The following AKAP8L variants were observed in gnomAD, a reference collection of about 807,000 sequenced individuals.
AKAP8L encodes the protein A-kinase anchoring protein 8 like.
A neutral mutation model predicts 77.5 loss-of-function variants in AKAP8L; 34 were observed. The ratio of observed to expected loss-of-function variants is 0.44; its 90% CI spans 0.33 to 0.58. The LOEUF (loss-of-function observed/expected upper bound fraction) is 0.58. AKAP8L is among the 20% of genes least tolerant of loss of function. AKAP8L has a pLI of 0.02. For synonymous variants in AKAP8L, 342 were observed against 340.7 expected, an observed-to-expected ratio of 1.00 and a Z score of -0.04; for missense variants, 806 against 887.6, an observed-to-expected ratio of 0.91 and a Z score of 1.17.
intron 4 of AKAP8L, among the ~76,000 whole-genome samples, chr19:15,402,989 T>G (rs1034075975): frequency 1.2e-4 from 18 of 152,138 alleles, no homozygotes; most frequent in African/African-American, 4.3e-4. Flanking sequence ...GGTACATGTT[T>G]GTAAGGCACA....
Position 15,411,822 on chromosome 19 carries a change from G to T in AKAP8L, c.14-1228C>A, listed in dbSNP as rs558282361. On this transcript the variant is annotated intron_variant, in intron 1 of 13. Transcript: ENST00000397410. ...ACTCACAGTACTTTGGGAGGCCAAG[G>T]GGGGGTGGACTGGTTGAGGCCAGGA... 1.3e-4 allele frequency among the ~76,000 whole-genome samples: 20 copies of T among 152,218 alleles called. No individual in the cohort carries two copies. In the East Asian group the frequency reaches 3.3e-3, roughly 25 times the overall value.
At position 15,380,437 on chromosome 19, in the gene AKAP8L, G is replaced by T. The variant is rs372789644; in HGVS notation, c.1633-7C>A. On this transcript the variant is annotated splice_polypyrimidine_tract_variant and splice_region_variant and intron_variant, in intron 13 of 13. Coordinates refer to ENST00000397410, the MANE Select transcript of AKAP8L (RefSeq NM_014371.4). ...CGGTGAAAGGGTTCTCGCCCTGTGGGGAGGGGCGCGGACACTGAAGGGAGG... is the reference window on the plus strand; with the variant it reads ...CGGTGAAAGGGTTCTCGCCCTGTGGTGAGGGGCGCGGACACTGAAGGGAGG... The T allele has an allele frequency of 6.2e-7, 1 of 1,608,296 alleles. No homozygotes were observed.
At chr19:15,393,095 CT>C (rs1967698072) in intron 12 of AKAP8L, among the ~76,000 whole-genome samples, 1 of 151,944 alleles carries the variant, frequency 6.6e-6, no homozygotes, top group Non-Finnish European at 1.5e-5. Context: ...AAAACAGTCT[CT>C]TTCATTTCTT....
Position 15,397,411 on chromosome 19 carries a change from G to C in AKAP8L, c.1405+109C>G. The C allele has an allele frequency of 6.7e-7, 1 of 1,486,590 alleles. No homozygotes were observed. Among genetic ancestry groups the C allele is most frequent in the Non-Finnish European group, 9.2e-7 (1 of 1,082,178 alleles). The allele number at this position is 1,486,590 out of a possible 1,614,324, so 92.1% of individuals were successfully genotyped here. ...TCCACCTGGGCCTGAGCCAAGGCTG[G>C]TCTCCTGACCTTCCCTGGGGGAACA... On this transcript the variant is annotated intron_variant, in intron 11 of 13. Coordinates refer to ENST00000397410, the MANE Select transcript of AKAP8L (RefSeq NM_014371.4). This position sits in a 1 kb window ranked among gnomAD's most constrained non-coding sequence, Gnocchi z 4.7.
chr19:15,396,923 T>C (rs1649220201), intron 12 of AKAP8L, among the ~76,000 whole-genome samples: 1 of 152,040 alleles, frequency 6.6e-6, no homozygotes, highest in Non-Finnish European at 1.5e-5. Flanking sequence ...AACATGGAGG[T>C]CCCCATATCC....
chr19:15,400,157 T>G (rs1967861868), intron 8 of AKAP8L, 138 bp downstream of exon 8: 1 of 841,468 alleles, frequency 1.2e-6, no homozygotes, highest in Non-Finnish European at 2.0e-6. Flanking sequence ...GAAAGCCCCC[T>G]GCCAGCACAC....
intron 12 of AKAP8L, among the ~76,000 whole-genome samples, chr19:15,387,302 G>A (rs1018491231): frequency 6.6e-6 from 1 of 152,146 alleles, no homozygotes; most frequent in African/African-American, 2.4e-5. Flanking sequence ...CACAGTGAGA[G>A]CACGGCCTTA....
At chr19:15,404,140 G>A in intron 2 of AKAP8L, 98 bp from the exon 3 acceptor site, 1 of 1,302,232 alleles carries the variant, frequency 7.7e-7, no homozygotes, top group Non-Finnish European at 1.1e-6. Context: ...ACTGGTCAGA[G>A]CAGGCTGCAC....
chr19:15,404,497 G>A (rs982065732), intron 2 of AKAP8L, among the ~76,000 whole-genome samples: 8 of 152,180 alleles, frequency 5.3e-5, no homozygotes, highest in Non-Finnish European at 1.2e-4. Flanking sequence ...GCAACCCCTC[G>A]CTTGAGAAAA....
chr19:15,392,959 G>C lies in AKAP8L; in HGVS notation c.1536+4191C>G, dbSNP rs1967695110. 1.4e-5 allele frequency among the ~76,000 whole-genome samples: 2 copies of C among 147,156 alleles called. 1 individual carries two copies. Among genetic ancestry groups the C allele is most frequent in the South Asian group, 4.3e-4 (2 of 4,658 alleles). On this transcript the variant is annotated intron_variant, in intron 12 of 13. Transcript: ENST00000397410. ...ACACCCTGAAAACTACAAAACCTTT[G>C]AAAGAAATTAATTCATTTACTAGAT... is the stretch of plus-strand genomic sequence containing the variant.
Position 15,410,102 on chromosome 19 carries a change from C to T in AKAP8L, c.88+418G>A, listed in dbSNP as rs535557216. Among the ~76,000 whole-genome samples the T allele has an allele frequency of 5.9e-5, 9 of 152,232 alleles. No homozygotes were observed. In the South Asian group the frequency reaches 1.5e-3, roughly 25 times the overall value. ...CGACCACAGGCACACACCACCATGCCCGGCTAATTTTTTGTATTTTAGTAT... is the reference window on the plus strand; with the variant it reads ...CGACCACAGGCACACACCACCATGCTCGGCTAATTTTTTGTATTTTAGTAT... On this transcript the variant is annotated intron_variant, in intron 2 of 13. Coordinates refer to ENST00000397410, the MANE Select transcript of AKAP8L (RefSeq NM_014371.4).
chr19:15,418,728 G>C (rs928899101), intron 1 of AKAP8L, among the ~76,000 whole-genome samples, 183 bp downstream of exon 1: 2 of 152,240 alleles, frequency 1.3e-5, no homozygotes, highest in Admixed American at 6.5e-5. Context: ...TGCAGACACA[G>C]AGAGCTGAGG....
At chr19:15,418,072 C>A (rs955918260) in intron 1 of AKAP8L, among the ~76,000 whole-genome samples, 9 of 152,228 alleles carry the variant, frequency 5.9e-5, no homozygotes, top group Non-Finnish European at 1.2e-4. Context: ...GGCCAGATAT[C>A]TTTATTCGCT....
rs117095677 is a variant in AKAP8L, at chr19:15,398,270, G to A, written c.1158-415C>T. On this transcript the variant is annotated intron_variant, in intron 9 of 13. Transcript: ENST00000397410. This position sits in a 1 kb window ranked among gnomAD's most constrained non-coding sequence, Gnocchi z 9.2. Reference sequence around the variant, plus strand: ...GGCCCTGAGGTGCAGAGTGGAGTACGCAGTCCCGAGGCAGGGCCCGAAAAG... The same window carrying A: ...GGCCCTGAGGTGCAGAGTGGAGTACACAGTCCCGAGGCAGGGCCCGAAAAG... 7.5e-3 allele frequency: 1,671 copies of A among 221,962 alleles called. 12 individuals are homozygous for A. Among genetic ancestry groups the A allele is most frequent in the Middle Eastern group, 0.014 (8 of 564 alleles). 13.7% of individuals were successfully genotyped at this position (221,962 alleles called of 1,614,324 possible).
intron 12 of AKAP8L, among the ~76,000 whole-genome samples, chr19:15,392,144 T>C (rs1967676562): frequency 6.6e-6 from 1 of 152,240 alleles, no homozygotes; most frequent in African/African-American, 2.4e-5. Context: ...ATAGCTGAAA[T>C]ATTATTAAAA....
In AKAP8L at chr19:15,380,324, T is replaced by G; in HGVS notation, c.1739A>C (p.Glu580Ala). 6.5e-7 allele frequency: 1 copy of G among 1,538,112 alleles called. No homozygotes were observed. Among genetic ancestry groups the G allele is most frequent in the South Asian group, 1.2e-5 (1 of 84,090 alleles). Residue 580 changes from glutamate to alanine, a missense_variant, in exon 14 of 14, where the codon GAG (glutamate) becomes GCG (alanine). Transcript: ENST00000397410. ...CTGCGCCGGCACGCCCTCTGCGCCC[T>G]CCGAGATCCCTGCCGCTTCGCCCTG... Reference protein sequence around the residue: ...GAQGEAAGISEGAEGVPAQPP... With the variant: ...GAQGEAAGISAGAEGVPAQPP...
intron 1 of AKAP8L, 101 bp from the exon 2 acceptor site, chr19:15,410,695 C>A: frequency 1.1e-6 from 1 of 919,474 alleles, no homozygotes; most frequent in Non-Finnish European, 1.7e-6. Flanking sequence ...AGGCCCTTCT[C>A]TCAACGAAAA....
At position 15,403,733 on chromosome 19, in the gene AKAP8L, G is replaced by A; in HGVS notation, c.122-18C>T. The A allele has an allele frequency of 1.3e-6, 2 of 1,548,950 alleles. No individual in the cohort carries two copies. Among genetic ancestry groups the A allele is most frequent in the African/African-American group, 2.7e-5 (2 of 73,284 alleles). ...CTCGTAGCCTGCAGTGAGGGAGACAGAGACAGACAGATGGTGGGGGCAGGC... is the reference window on the plus strand; with the variant it reads ...CTCGTAGCCTGCAGTGAGGGAGACAAAGACAGACAGATGGTGGGGGCAGGC... On this transcript the variant is annotated intron_variant, in intron 3 of 13. Coordinates refer to ENST00000397410, the MANE Select transcript of AKAP8L (RefSeq NM_014371.4). The surrounding 1 kb of genome is among the most constrained non-coding windows in gnomAD (Gnocchi z 4.3).
intron 12 of AKAP8L, chr19:15,383,756 T>C (rs1967466785): frequency 6.6e-6 from 1 of 152,174 alleles, no homozygotes; most frequent in Non-Finnish European, 1.5e-5. Flanking sequence ...AATTTTACAA[T>C]GTAAAACTTT....
Sources: gnomAD v4.1 joint callset for allele counts (sites outside exome capture counted in the v4.1 genomes callset) on GRCh38, gnomAD v4.1.1 for gene constraint, Gnocchi (gnomAD v3.1) non-coding constraint, MANE v1.5 for transcripts, NCBI Gene and HGNC (gene_info 2026-07-23, HGNC 2026-07-21) for gene names.